TRPM4: variants seen among roughly 807,000 people sequenced by gnomAD.
TRPM4 encodes calcium-activated non-selective cation channel 1.
Under a neutral mutation model 135.6 loss-of-function variants are expected in TRPM4, and 124 were observed. The observed-to-expected ratio is 0.91, with a 90% CI of 0.79 to 1.06. The LOEUF (loss-of-function observed/expected upper bound fraction) is 1.06. TRPM4 is among the 50% of genes least tolerant of loss of function. The probability of loss-of-function intolerance (pLI) is 0.00; values close to 1 mark genes in which losing one functional copy is unlikely to be tolerated. For missense variants in TRPM4, 1,658 were observed against 1,671.4 expected, an observed-to-expected ratio of 0.99 and a Z score of 0.14; for synonymous variants, 745 against 705.6, an observed-to-expected ratio of 1.06 and a Z score of -0.88.
At chr19:49,179,559 A>G (rs1234029198) in intron 9 of TRPM4, among the ~76,000 whole-genome samples, 2 of 152,100 alleles carry the variant, frequency 1.3e-5, no homozygotes, top group East Asian at 1.9e-4. Flanking sequence ...CGTGTTACCC[A>G]GGCTGGTCTC....
chr19:49,181,821 C>T (rs982689619), intron 10 of TRPM4, among the ~76,000 whole-genome samples: 6 of 151,888 alleles, frequency 4.0e-5, no homozygotes, highest in East Asian at 3.9e-4. Context: ...CATGAGCCAC[C>T]GCACCCGGCC....
At chr19:49,164,998 C>T (rs1172599007) in intron 2 of TRPM4, among the ~76,000 whole-genome samples, 3 of 152,056 alleles carry the variant, frequency 2.0e-5, no homozygotes, top group African/African-American at 7.3e-5. Flanking sequence ...TGGCCCCAGC[C>T]TCCCAAAGTG....
intron 2 of TRPM4, among the ~76,000 whole-genome samples, chr19:49,161,319 CTCTCTTT>C (rs1337130402): frequency 9.3e-6 from 1 of 107,800 alleles, no homozygotes; most frequent in African/African-American, 3.2e-5. Flanking sequence ...TTCTGTCTCT[CTCTCTTT>C]TTTTTTTTTT....
chr19:49,169,572 C>T (rs148729815), intron 6 of TRPM4, among the ~76,000 whole-genome samples: 1,990 of 151,284 alleles, frequency 0.013, 41 homozygotes, highest in Middle Eastern at 0.027. Flanking sequence ...TGAGCCACCG[C>T]GCCCGGCCTA....
chr19:49,187,537 A>G (rs992686146), intron 12 of TRPM4, among the ~76,000 whole-genome samples: 1 of 151,924 alleles, frequency 6.6e-6, no homozygotes, highest in Admixed American at 6.6e-5. Flanking sequence ...TTTTGTAGAG[A>G]TGGAGTCTCA....
rs751946481 is a variant in TRPM4, at chr19:49,211,535, G to A, written c.*37G>A. On this transcript the variant is annotated 3_prime_UTR_variant, in exon 25 of 25. Coordinates refer to ENST00000252826, the MANE Select transcript of TRPM4 (RefSeq NM_017636.4). This position sits in a 1 kb window ranked among gnomAD's most constrained non-coding sequence, Gnocchi z 4.8. ...GGACTTCAAGGAGAAGCCCCCACAG[G>A]GGATTTTGCTCCTAGAGTAAGGCTC... 1 of 1,613,858 alleles carries A rather than the reference G, an allele frequency of 6.2e-7. No individual in the cohort carries two copies. The highest frequency in any genetic ancestry group is 8.5e-7 in the Non-Finnish European group (1 of 1,179,996).
rs555341136 is a variant in TRPM4 at position 49,196,513 on chromosome 19, C to T, written c.2284C>T (p.Arg762Cys). The T allele has an allele frequency of 1.3e-6, 2 of 1,534,128 alleles. No individual in the cohort carries two copies. Among genetic ancestry groups the T allele is most frequent in the South Asian group, 1.2e-5 (1 of 84,812 alleles). ...QSGRPGCCGG[R>C]CGGRRCLRRW... is the part of the protein sequence containing the mutation. ...GGGCCGTCCGGGTTGCTGCGGGGGC[C>T]GCTGCGGGGGGCGCCGGTGCCTACG... Residue 762 changes from arginine (R) to cysteine (C), a missense_variant, in exon 17 of 25, where the codon CGC (arginine) becomes TGC (cysteine). Transcript: ENST00000252826.
In TRPM4 at chr19:49,171,440, G is replaced by T. The variant is rs1967450714; in HGVS notation, c.858+22G>T. ...GACGGTATAGGGGCCCGGATGCCCG[G>T]ATCTAAGGGGGAAGGAGGGTTGGGG... On this transcript the variant is annotated intron_variant, in intron 7 of 24. Coordinates refer to ENST00000252826, the MANE Select transcript of TRPM4 (RefSeq NM_017636.4). The surrounding 1 kb of genome is among the most constrained non-coding windows in gnomAD (Gnocchi z 4.7). 6.2e-7 allele frequency: 1 copy of T among 1,614,006 alleles called. No homozygotes were observed. The highest frequency in any genetic ancestry group is 8.5e-7 in the Non-Finnish European group (1 of 1,179,944).
At chr19:49,174,175 C>A (rs548117733) in intron 9 of TRPM4, among the ~76,000 whole-genome samples, 62 of 151,232 alleles carry the variant, frequency 4.1e-4, no homozygotes, top group Non-Finnish European at 8.1e-4. Context: ...TATTTTGAGA[C>A]AGAGTCTTGC....
At chr19:49,209,032 T>C (rs1267008297) in intron 20 of TRPM4, among the ~76,000 whole-genome samples, 1 of 152,126 alleles carries the variant, frequency 6.6e-6, no homozygotes, top group Non-Finnish European at 1.5e-5. Flanking sequence ...GAGAAGATCA[T>C]ATGGCTTCCC....
chr19:49,172,172 T>C (rs544849095), intron 9 of TRPM4, 64 bp downstream of exon 9: 1 of 1,270,382 alleles, frequency 7.9e-7, no homozygotes, highest in East Asian at 2.3e-5. Context: ...TTTCCTGGCC[T>C]GGGCACTTCA....
At chr19:49,158,072 TG>T in intron 1 of TRPM4, 119 bp from the exon 2 acceptor site, 10 of 1,299,324 alleles carry the variant, frequency 7.7e-6, no homozygotes, top group South Asian at 6.1e-5. Context: ...GGGAGGGCGC[TG>T]GGGGCCCGGA....
Position 49,168,549 on chromosome 19 carries a change from CT to C in TRPM4, c.613-3del, listed in dbSNP as rs1967324617. ...ACGCCCTGGTCTGGCCATTTTTCCC[CT>C]AGGGCTCGTTCCCTGCGAGGTACCG... On this transcript the variant is annotated splice_polypyrimidine_tract_variant and splice_region_variant and intron_variant, in intron 5 of 24. Transcript: ENST00000252826. 1.9e-6 allele frequency: 3 copies of C among 1,613,872 alleles called. No individual in the cohort carries two copies. The highest frequency in any genetic ancestry group is 1.7e-5 in the Admixed American group (1 of 60,014).
rs1967434397 is a variant in TRPM4, at chr19:49,171,099, T to C, written c.797-258T>C. Among the ~76,000 whole-genome samples the C allele has an allele frequency of 6.6e-6, 1 of 152,098 alleles. No homozygotes were observed. The highest frequency in any genetic ancestry group is 6.6e-5 in the Admixed American group (1 of 15,266). On this transcript the variant is annotated intron_variant, in intron 6 of 24. Transcript: ENST00000252826. This position sits in a 1 kb window ranked among gnomAD's most constrained non-coding sequence, Gnocchi z 4.7. ...CTGATGCGGTGGCTCATGCCTATAA[T>C]CCCAGCACTTTGGGAGTCCAAGTTG...
At position 49,196,525 on chromosome 19, in the gene TRPM4, C is replaced by T. The variant is rs769909340; in HGVS notation, c.2296C>T (p.Arg766Cys). ...PGCCGGRCGG[R>C]RCLRRWFHFW... ...TTGCTGCGGGGGCCGCTGCGGGGGG[C>T]GCCGGTGCCTACGCCGCTGGTTCCA... Residue 766 changes from arginine (R) to cysteine (C), a missense_variant, in exon 17 of 25, where the codon CGC (arginine) becomes TGC (cysteine). By Grantham distance (180) the Arg-to-Cys change is radical. Transcript: ENST00000252826. The T allele has an allele frequency of 3.2e-6, 5 of 1,553,934 alleles. No individual in the cohort carries two copies. Among genetic ancestry groups the T allele is most frequent in the Non-Finnish European group, 3.5e-6 (4 of 1,153,586 alleles).
chr19:49,167,469 A>ATCTCTCTGGGTCTCTGTCCCTC (rs1167287459), intron 3 of TRPM4, among the ~76,000 whole-genome samples: 29 of 39,264 alleles, frequency 7.4e-4, no homozygotes, highest in Non-Finnish European at 1.3e-3. Flanking sequence ...CTCTGTCGCC[A>ATCTCTCTGGGTCTCTGTCCCTC]TCTCTCTGGG....
rs761675175 is a variant in TRPM4, at chr19:49,190,309, C to T, written c.2121C>T (p.Leu707=). 4.3e-6 allele frequency: 7 copies of T among 1,614,170 alleles called. 1 individual carries two copies. In the South Asian group the frequency reaches 5.5e-5, roughly 13 times the overall value. ...FFCPPLIYTR[L]ITFRKSEEEP... ...GCCCTCCACTCATCTACACCCGCCT[C>T]ATCACCTTCAGGTCAGTACCCTGGG... The change falls in exon 15 of 25, where the codon CTC becomes CTT. Residue 707 remains leucine, a synonymous_variant. Transcript: ENST00000252826.
Position 49,182,682 on chromosome 19 carries a change from C to A in TRPM4, c.1368C>A (p.Thr456=), listed in dbSNP as rs56118173. The change falls in exon 11 of 25, where the codon ACC becomes ACA. Residue 456 remains threonine (T), a synonymous_variant. Coordinates refer to ENST00000252826, the MANE Select transcript of TRPM4 (RefSeq NM_017636.4). ...GCCTCAGCCTGGGCCACTTCCTGAC[C>A]CCGATGCGCCTGGCCCAACTCTACA... The part of the protein sequence containing the change: ...SHGLSLGHFL[T]PMRLAQLYSA... 6 of 1,614,090 alleles carry A rather than the reference C, an allele frequency of 3.7e-6. No individual in the cohort carries two copies. The African/African-American group carries it at 6.7e-5, about 18-fold the overall frequency.
intron 17 of TRPM4, 58 bp downstream of exon 17, chr19:49,196,932 C>G: frequency 2.0e-6 from 3 of 1,503,096 alleles, no homozygotes; most frequent in Non-Finnish European, 2.7e-6. Context: ...CCTTCCTGCC[C>G]ACTCCCGGGG....
Sources: gnomAD v4.1 joint callset for allele counts (sites outside exome capture counted in the v4.1 genomes callset) on GRCh38, gnomAD v4.1.1 for gene constraint, Gnocchi (gnomAD v3.1) non-coding constraint, MANE v1.5 for transcripts, NCBI Gene and HGNC (gene_info 2026-07-23, HGNC 2026-07-21) for gene names.